MALRD1: variants seen among roughly 807,000 people sequenced by gnomAD.
MALRD1 encodes MAM and LDL-receptor class A domain-containing protein 1.
Under a neutral mutation model 242.1 loss-of-function variants are expected in MALRD1, and 247 were observed. That is an observed-to-expected ratio of 1.02 (90% confidence interval 0.92 to 1.13). The LOEUF (loss-of-function observed/expected upper bound fraction) is 1.13, where lower values mean the gene tolerates loss of function less well. Among genes scored for constraint, MALRD1 ranks in the 50% most tolerant of loss-of-function variants. The pLI is 0.00. For missense variants in MALRD1, 2,989 were observed against 2,533.1 expected (o/e 1.18, Z -3.86); for synonymous variants, 995 against 866.6 (o/e 1.15, Z -2.60).
intron 5 of MALRD1, among the ~76,000 whole-genome samples, chr10:19,112,809 A>T (rs1309183812): frequency 1.3e-5 from 2 of 152,246 alleles, no homozygotes; most frequent in African/African-American, 2.4e-5. Flanking sequence ...TATTTGCTAC[A>T]GAAACTGAAA....
chr10:19,266,064 G>A (rs773476336), intron 19 of MALRD1, among the ~76,000 whole-genome samples: 15 of 151,546 alleles, frequency 9.9e-5, no homozygotes, highest in Non-Finnish European at 1.9e-4. Context: ...TGCATGGAAT[G>A]TGTTTTTTGT....
intron 32 of MALRD1, among the ~76,000 whole-genome samples, chr10:19,560,245 G>C (rs1333487566): frequency 2.0e-5 from 3 of 152,146 alleles, no homozygotes; most frequent in Non-Finnish European, 4.4e-5. Flanking sequence ...GAGGTGGGTG[G>C]ATCACAAGGT....
chr10:19,326,981 A>G (rs1191330399), intron 22 of MALRD1, among the ~76,000 whole-genome samples: 2 of 152,070 alleles, frequency 1.3e-5, no homozygotes, highest in East Asian at 3.9e-4. Context: ...TCTGAGAGTA[A>G]TCTGGATTCT....
intron 1 of MALRD1, among the ~76,000 whole-genome samples, chr10:19,062,999 G>T (rs1834866771): frequency 6.6e-6 from 1 of 152,020 alleles, no homozygotes; most frequent in African/African-American, 2.4e-5. Context: ...CAAAAAATTA[G>T]CCAGGTGTGG....
chr10:19,508,787 G>A (rs935245884), intron 31 of MALRD1, among the ~76,000 whole-genome samples: 5 of 152,084 alleles, frequency 3.3e-5, no homozygotes, highest in East Asian at 1.9e-4. Context: ...TGTGGCTCAC[G>A]TTATGTTTTA....
At chr10:19,049,803 C>G (rs1044792166) in intron 1 of MALRD1, among the ~76,000 whole-genome samples, 1 of 152,304 alleles carries the variant, frequency 6.6e-6, no homozygotes, top group African/African-American at 2.4e-5. Context: ...CCATGGCATA[C>G]TGGGAGAACA....
At chr10:19,473,964 C>A (rs1471558186) in intron 29 of MALRD1, among the ~76,000 whole-genome samples, 1 of 152,164 alleles carries the variant, frequency 6.6e-6, no homozygotes, top group Non-Finnish European at 1.5e-5. Flanking sequence ...TCCATTTTCT[C>A]CACATCTTCA....
At chr10:19,598,455 C>A (rs7098057) in intron 34 of MALRD1, 1 of 148,522 alleles carries the variant, frequency 6.7e-6, no homozygotes, top group Non-Finnish European at 1.5e-5. Flanking sequence ...AGAATGCAGT[C>A]TGAGTGGTTT....
intron 31 of MALRD1, among the ~76,000 whole-genome samples, chr10:19,498,918 C>T (rs1190970452): frequency 1.3e-5 from 2 of 152,076 alleles, no homozygotes; most frequent in Admixed American, 1.3e-4. Flanking sequence ...ATTAAATTCC[C>T]TAATTGGAGG....
At chr10:19,525,032 G>A (rs1834041119) in intron 31 of MALRD1, among the ~76,000 whole-genome samples, 2 of 151,588 alleles carry the variant, frequency 1.3e-5, no homozygotes, top group East Asian at 1.9e-4. Context: ...AGCCTCCCAA[G>A]TAGCTGGGAT....
intron 30 of MALRD1, among the ~76,000 whole-genome samples, chr10:19,493,701 C>G (rs1407629163): frequency 1.3e-5 from 2 of 151,440 alleles, no homozygotes; most frequent in Non-Finnish European, 2.9e-5. Context: ...GTAATCCCAG[C>G]CACTTGGGAG....
chr10:19,064,128 C>A (rs909194453), intron 1 of MALRD1, among the ~76,000 whole-genome samples: 2 of 152,110 alleles, frequency 1.3e-5, no homozygotes, highest in Non-Finnish European at 2.9e-5. Flanking sequence ...GACTGCAGTA[C>A]ATCTGACCTT....
intron 28 of MALRD1, among the ~76,000 whole-genome samples, chr10:19,442,525 G>C (rs978721290): frequency 6.6e-6 from 1 of 152,022 alleles, no homozygotes; most frequent in Non-Finnish European, 1.5e-5. Context: ...GTTTTTAGCA[G>C]GAAGGGCTGT....
At chr10:19,404,271 T>G (rs924974163) in intron 28 of MALRD1, among the ~76,000 whole-genome samples, 18 of 152,016 alleles carry the variant, frequency 1.2e-4, no homozygotes, top group African/African-American at 3.9e-4. Flanking sequence ...ATTATTACTT[T>G]ATCCATGTAG....
At chr10:19,730,438 T>G (rs995085348) in intron 38 of MALRD1, 9 of 475,466 alleles carry the variant, frequency 1.9e-5, no homozygotes, top group African/African-American at 1.6e-4. Flanking sequence ...TAAGACTAAC[T>G]TTTGCAATTT....
chr10:19,193,834 G>A (rs1294591716), intron 14 of MALRD1, among the ~76,000 whole-genome samples: 4 of 134,810 alleles, frequency 3.0e-5, no homozygotes, highest in African/African-American at 8.4e-5. Flanking sequence ...TAGTCTGGGG[G>A]AAAAAAAATA....
intron 18 of MALRD1, among the ~76,000 whole-genome samples, chr10:19,218,436 G>C (rs187657807): frequency 6.6e-6 from 1 of 152,132 alleles, no homozygotes; most frequent in Admixed American, 6.5e-5. Context: ...CTTATATTTA[G>C]TTCTCTGTGC....
intron 16 of MALRD1, among the ~76,000 whole-genome samples, chr10:19,204,687 T>G (rs1836710528): frequency 6.6e-6 from 1 of 152,170 alleles, no homozygotes; most frequent in Admixed American, 6.5e-5. Flanking sequence ...ACTGAGCTCC[T>G]TGAGACAAGT....
At chr10:19,639,182 G>T (rs1840275341) in intron 36 of MALRD1, among the ~76,000 whole-genome samples, 1 of 152,078 alleles carries the variant, frequency 6.6e-6, no homozygotes, top group African/African-American at 2.4e-5. Flanking sequence ...AAATAAAATA[G>T]TCTTGATCCA....
Sources: allele counts gnomAD v4.1 joint callset (sites outside exome capture counted in the v4.1 genomes callset), GRCh38; gene constraint gnomAD v4.1.1; transcripts MANE v1.5; gene names NCBI Gene and HGNC (gene_info 2026-07-23, HGNC 2026-07-21).